FRMD3: variants seen among roughly 807,000 people sequenced by gnomAD.
The protein encoded by FRMD3 is FERM domain-containing protein 3.
In FRMD3, 33 loss-of-function variants were observed where a neutral mutation model predicts 70.2. The observed-to-expected ratio is 0.47, with a 90% CI of 0.36 to 0.63. FRMD3 has a LOEUF of 0.63. FRMD3 is among the 20% of genes least tolerant of loss of function. The pLI, the probability that FRMD3 is intolerant of heterozygous loss-of-function variation, is 0.00. For missense variants in FRMD3, 632 were observed against 711.4 expected (o/e 0.89, Z 1.27); for synonymous variants, 279 against 255.9 (o/e 1.09, Z -0.86).
intron 3 of FRMD3, among the ~76,000 whole-genome samples, 169 bp from the exon 4 acceptor site, chr9:83,349,926 C>T (rs1288005601): frequency 6.6e-6 from 1 of 152,126 alleles, no homozygotes; most frequent in Non-Finnish European, 1.5e-5. Flanking sequence ...AACAAAGCGA[C>T]AGCAACAACA....
chr9:83,283,068 C>T (rs576710137), intron 13 of FRMD3, among the ~76,000 whole-genome samples: 30 of 152,136 alleles, frequency 2.0e-4, no homozygotes, highest in Middle Eastern at 3.4e-3. Flanking sequence ...GTTCTAAAGA[C>T]GAGAATAGCT....
At position 83,438,417 on chromosome 9, in the gene FRMD3, TG is replaced by T. The variant is rs1192542030; in HGVS notation, c.148-48710del. 4.0e-4 allele frequency among the ~76,000 whole-genome samples: 59 copies of T among 148,672 alleles called. No individual in the cohort carries two copies. In the East Asian group the frequency reaches 0.011, roughly 28 times the overall value. ...CTGTCTCAGAAGAGAGTTTTTTTTT[TG>T]TTTTGTTTTGTTTTGTTTTGAGATG... is the stretch of plus-strand genomic sequence containing the variant. On this transcript the variant is annotated intron_variant, in intron 1 of 13. Coordinates refer to ENST00000304195, the MANE Select transcript of FRMD3 (RefSeq NM_174938.6).
intron 1 of FRMD3, among the ~76,000 whole-genome samples, chr9:83,517,718 C>A (rs1161573022): frequency 1.3e-5 from 2 of 152,144 alleles, no homozygotes; most frequent in African/African-American, 2.4e-5. Flanking sequence ...CCCTTATGAA[C>A]ATTGATGCGA....
intron 13 of FRMD3, among the ~76,000 whole-genome samples, chr9:83,289,579 A>G (rs1034701666): frequency 2.0e-5 from 3 of 152,210 alleles, no homozygotes; most frequent in Non-Finnish European, 4.4e-5. Flanking sequence ...CCATATCCTT[A>G]TTATAGACTA....
chr9:83,482,123 C>T (rs1004999732), intron 1 of FRMD3, among the ~76,000 whole-genome samples: 1 of 152,154 alleles, frequency 6.6e-6, no homozygotes, highest in African/African-American at 2.4e-5. Flanking sequence ...ATTACTTGGT[C>T]CTCAGCCATC....
chr9:83,496,706 T>C (rs569190271), intron 1 of FRMD3, among the ~76,000 whole-genome samples: 1 of 152,312 alleles, frequency 6.6e-6, no homozygotes, highest in Admixed American at 6.5e-5. Context: ...GGTTTCTCCA[T>C]GTTTGCCACT....
intron 12 of FRMD3, among the ~76,000 whole-genome samples, chr9:83,296,663 G>A (rs1043141493): frequency 1.3e-5 from 2 of 152,108 alleles, no homozygotes; most frequent in Non-Finnish European, 2.9e-5. Flanking sequence ...AGGTCTCAAG[G>A]GCCCCCAGGT....
intron 13 of FRMD3, among the ~76,000 whole-genome samples, chr9:83,271,379 G>A (rs1833545772): frequency 1.3e-5 from 2 of 152,102 alleles, no homozygotes; most frequent in Admixed American, 1.3e-4. Flanking sequence ...ATATACTTCA[G>A]AGGACTTTTT....
the FRMD3 span, among the ~76,000 whole-genome samples, chr9:83,545,559 G>A: frequency 2.7e-4 from 41 of 151,766 alleles, no homozygotes; most frequent in African/African-American, 8.7e-4. Flanking sequence ...GGGTTTCACC[G>A]TGTTAGCCAG....
chr9:83,512,823 G>C (rs1281353855), intron 1 of FRMD3, among the ~76,000 whole-genome samples: 1 of 152,214 alleles, frequency 6.6e-6, no homozygotes, highest in African/African-American at 2.4e-5. Flanking sequence ...CACTGAGACA[G>C]TGGAATTTTA....
chr9:83,400,658 C>T (rs1825929250), intron 1 of FRMD3, among the ~76,000 whole-genome samples: 1 of 151,970 alleles, frequency 6.6e-6, no homozygotes, highest in Non-Finnish European at 1.5e-5. Flanking sequence ...GTGATGAAGG[C>T]AATGTGGTAT....
At chr9:83,267,021 G>A (rs775641305) in intron 13 of FRMD3, 10 of 1,550,730 alleles carry the variant, frequency 6.4e-6, no homozygotes, top group South Asian at 3.6e-5. Context: ...CCAGTGTTAC[G>A]AGCTGTGACC....
rs1249487445 is a variant in FRMD3, at chr9:83,402,795, A to G, written c.148-13087T>C. ...TTTCAAGAAACATTAAAGAGAGCCT[A>G]CGGTCTAAACCACAGTAACACTCCC... On this transcript the variant is annotated intron_variant, in intron 1 of 13. Coordinates refer to ENST00000304195, the MANE Select transcript of FRMD3 (RefSeq NM_174938.6). 2.6e-5 allele frequency among the ~76,000 whole-genome samples: 4 copies of G among 152,036 alleles called. No homozygotes were observed. The East Asian group carries it at 7.7e-4, about 29-fold the overall frequency.
chr9:83,564,591 A>G, the FRMD3 span, among the ~76,000 whole-genome samples: 1 of 152,224 alleles, frequency 6.6e-6, no homozygotes, highest in South Asian at 2.1e-4. Context: ...TTAGGGAAAG[A>G]GTATCTCTGG....
intron 13 of FRMD3, among the ~76,000 whole-genome samples, chr9:83,277,271 T>C (rs1022700762): frequency 6.6e-6 from 1 of 152,230 alleles, no homozygotes; most frequent in Non-Finnish European, 1.5e-5. Flanking sequence ...GTCAGTAATA[T>C]ATAGATGGAT....
At chr9:83,520,348 T>C (rs986359153) in intron 1 of FRMD3, among the ~76,000 whole-genome samples, 6 of 152,172 alleles carry the variant, frequency 3.9e-5, no homozygotes, top group African/African-American at 1.4e-4. Context: ...TTTCTTATAG[T>C]TTTGAAATTA....
intron 13 of FRMD3, chr9:83,266,943 G>T: frequency 6.8e-7 from 1 of 1,473,000 alleles, no homozygotes. Flanking sequence ...CTCTCCACCA[G>T]CAGTGAGCAG....
intron 2 of FRMD3, among the ~76,000 whole-genome samples, chr9:83,379,790 A>G (rs1825300804): frequency 6.6e-6 from 1 of 152,150 alleles, no homozygotes. Context: ...CTCTTAACTA[A>G]TGACTATCAG....
chr9:83,389,122 A>AT (rs1387799016), intron 2 of FRMD3, among the ~76,000 whole-genome samples: 2 of 151,698 alleles, frequency 1.3e-5, no homozygotes, highest in South Asian at 2.1e-4. Context: ...TAATTTTTGT[A>AT]TTTTTTGTAG....
Sources: gnomAD v4.1 joint callset for allele counts (sites outside exome capture counted in the v4.1 genomes callset) on GRCh38, gnomAD v4.1.1 for gene constraint, MANE v1.5 for transcripts, NCBI Gene and HGNC (gene_info 2026-07-23, HGNC 2026-07-21) for gene names.